SIPA1L1: variants seen among roughly 807,000 people sequenced by gnomAD.
The protein encoded by SIPA1L1 is signal induced proliferation associated 1 like 1.
In SIPA1L1, 26 loss-of-function variants were observed where a neutral mutation model predicts 162.7. That is an observed-to-expected ratio of 0.16 (90% CI 0.12 to 0.22). SIPA1L1 has a LOEUF of 0.22. SIPA1L1 is among the 10% of genes least tolerant of loss of function. The pLI is 1.00. For synonymous variants in SIPA1L1, 829 were observed against 837.4 expected, an observed-to-expected ratio of 0.99 and a Z score of 0.17; for missense variants, 1,874 against 2,241.0, an observed-to-expected ratio of 0.84 and a Z score of 3.31.
chr14:71,569,848 C>T (rs1403633474), intron 4 of SIPA1L1, among the ~76,000 whole-genome samples: 1 of 152,190 alleles, frequency 6.6e-6, no homozygotes, highest in Non-Finnish European at 1.5e-5. Flanking sequence ...CTTCTGCCAC[C>T]ACCTTCCATG....
Position 71,583,032 on chromosome 14 carries a change from C to T in SIPA1L1, c.-302-4539C>T, listed in dbSNP as rs1311177077. Among the ~76,000 whole-genome samples the T allele has an allele frequency of 3.3e-5, 5 of 152,306 alleles. No homozygotes were observed. The South Asian group carries it at 6.2e-4, about 19-fold the overall frequency. ...TTTGCCTTATTTGATTATCTTAGCT[C>T]ATCTAATATTCAAGTACTGTGAAGT... On this transcript the variant is annotated intron_variant, in intron 4 of 23. Coordinates refer to ENST00000381232, the MANE Select transcript of SIPA1L1 (RefSeq NM_001386936.1).
chr14:71,601,948 C>CT (rs926890820), intron 5 of SIPA1L1, among the ~76,000 whole-genome samples: 31 of 149,070 alleles, frequency 2.1e-4, no homozygotes, highest in Middle Eastern at 3.4e-3. Flanking sequence ...GGTCTTCTCC[C>CT]TTTTTTTTTC....
chr14:71,371,580 G>A (rs1160092175), intron 2 of SIPA1L1, among the ~76,000 whole-genome samples: 2 of 151,780 alleles, frequency 1.3e-5, no homozygotes, highest in Admixed American at 6.6e-5. Flanking sequence ...GTTTTGTTTT[G>A]GTTGGGACAG....
chr14:71,549,143 G>A (rs915455256), intron 4 of SIPA1L1, among the ~76,000 whole-genome samples: 1 of 152,178 alleles, frequency 6.6e-6, no homozygotes, highest in African/African-American at 2.4e-5. Flanking sequence ...GATTTGGAAT[G>A]CGTTTTTCAA....
At position 71,413,567 on chromosome 14, in the gene SIPA1L1, GTC is replaced by G. The variant is rs552479404; in HGVS notation, c.-465+92390_-465+92391del. Among the ~76,000 whole-genome samples the G allele has an allele frequency of 4.6e-5, 7 of 152,202 alleles. No individual in the cohort carries two copies. In the South Asian group the frequency reaches 1.2e-3, roughly 27 times the overall value. On this transcript the variant is annotated intron_variant, in intron 2 of 23. Coordinates refer to ENST00000381232, the MANE Select transcript of SIPA1L1 (RefSeq NM_001386936.1). Reference sequence around the variant, plus strand: ...AGCCTGGCCAACATGGTGAAACCCCGTCTCTGCTAAAAACACAAAAATTAGCC... The same window carrying G: ...AGCCTGGCCAACATGGTGAAACCCCGTCTGCTAAAAACACAAAAATTAGCC...
At chr14:71,608,861 C>T (rs1349498210) in intron 5 of SIPA1L1, among the ~76,000 whole-genome samples, 2 of 152,088 alleles carry the variant, frequency 1.3e-5, no homozygotes, top group African/African-American at 4.8e-5. Flanking sequence ...CACTGCATTC[C>T]AGCCTGGGTG....
intron 2 of SIPA1L1, among the ~76,000 whole-genome samples, chr14:71,381,393 C>T (rs7145755): frequency 0.16 from 24,923 of 152,042 alleles, 2,654 homozygotes; most frequent in Middle Eastern, 0.34. Flanking sequence ...CCCCTCACCC[C>T]GCCCTTCATA....
At chr14:71,612,365 A>G (rs1404380828) in intron 5 of SIPA1L1, among the ~76,000 whole-genome samples, 1 of 152,062 alleles carries the variant, frequency 6.6e-6, no homozygotes, top group Admixed American at 6.6e-5. Context: ...TGTTTTTTAT[A>G]TTGGGTTAGG....
intron 7 of SIPA1L1, among the ~76,000 whole-genome samples, chr14:71,649,272 A>G (rs147935760): frequency 1.4e-3 from 211 of 151,484 alleles, no homozygotes; most frequent in Non-Finnish European, 2.5e-3. Flanking sequence ...ACTCACTGCA[A>G]CATCAATCTC....
At position 71,355,219 on chromosome 14, in the gene SIPA1L1, G is replaced by C. The variant is rs115975819; in HGVS notation, c.-465+34038G>C. 3.6e-3 allele frequency among the ~76,000 whole-genome samples: 544 copies of C among 152,306 alleles called. 3 individuals carry two copies. The highest frequency in any genetic ancestry group is 0.012 in the African/African-American group (519 of 41,542). On this transcript the variant is annotated intron_variant, in intron 2 of 23. Transcript: ENST00000381232. ...TTAAGGACCAGTATTATTAACCGCT[G>C]ATTACTTTTTCCGTCTTTGCCAAGT...
At chr14:71,482,104 G>C (rs965129575) in intron 2 of SIPA1L1, among the ~76,000 whole-genome samples, 5 of 152,120 alleles carry the variant, frequency 3.3e-5, no homozygotes, top group African/African-American at 1.2e-4. Context: ...GGAGCTCTGT[G>C]CCAGGCCCTG....
chr14:71,548,077 A>G (rs2055411693), intron 4 of SIPA1L1, among the ~76,000 whole-genome samples: 1 of 152,242 alleles, frequency 6.6e-6, no homozygotes, highest in African/African-American at 2.4e-5. Context: ...ATTAAATTAT[A>G]AAACCATGAA....
chr14:71,587,714 TA>T lies in SIPA1L1; in HGVS notation c.-158del. ...TAGAAGTTCCAATTTTTCAGTGCTT[TA>T]CAAATAAAGCATCATTTAACCTTTT... On this transcript the variant is annotated 5_prime_UTR_variant, in exon 5 of 24. Transcript: ENST00000381232. 2.8e-6 allele frequency: 2 copies of T among 720,792 alleles called. No homozygotes were observed. The highest frequency in any genetic ancestry group is 2.3e-6 in the Non-Finnish European group (1 of 443,012). 44.6% of individuals were successfully genotyped at this position (720,792 alleles called of 1,614,324 possible).
At chr14:71,496,962 G>A (rs867568964) in intron 2 of SIPA1L1, among the ~76,000 whole-genome samples, 7 of 152,058 alleles carry the variant, frequency 4.6e-5, no homozygotes, top group African/African-American at 7.2e-5. Context: ...ATGAGGTCAG[G>A]GGATTGAGAC....
intron 7 of SIPA1L1, among the ~76,000 whole-genome samples, chr14:71,625,400 A>G (rs569516802): frequency 2.6e-5 from 4 of 152,096 alleles, no homozygotes; most frequent in African/African-American, 9.6e-5. Flanking sequence ...CCCAGGTTCA[A>G]GCGATTCTGT....
chr14:71,729,996 T>G (rs1015411312), intron 19 of SIPA1L1, 59 bp from the exon 20 acceptor site: 2 of 1,571,670 alleles, frequency 1.3e-6, no homozygotes, highest in Admixed American at 1.7e-5. Context: ...CCCCCAACCT[T>G]GGTCTCAGGG....
At chr14:71,477,031 G>C (rs1374627668) in intron 2 of SIPA1L1, among the ~76,000 whole-genome samples, 1 of 152,118 alleles carries the variant, frequency 6.6e-6, no homozygotes, top group African/African-American at 2.4e-5. Context: ...GAGGCAGGTG[G>C]ATCATTTGAG....
intron 5 of SIPA1L1, among the ~76,000 whole-genome samples, chr14:71,617,586 A>G (rs1036541796): frequency 2.0e-5 from 3 of 152,224 alleles, no homozygotes; most frequent in African/African-American, 7.2e-5. Context: ...GTACCTGCAA[A>G]GTATTTTCAT....
At chr14:71,475,406 T>A (rs2047766753) in intron 2 of SIPA1L1, among the ~76,000 whole-genome samples, 2 of 152,218 alleles carry the variant, frequency 1.3e-5, no homozygotes, top group African/African-American at 4.8e-5. Flanking sequence ...TTGGAAAGTT[T>A]AGTGTATCTT....
Sources: allele counts gnomAD v4.1 joint callset (sites outside exome capture counted in the v4.1 genomes callset), GRCh38; gene constraint gnomAD v4.1.1; transcripts MANE v1.5; gene names NCBI Gene and HGNC (gene_info 2026-07-23, HGNC 2026-07-21).